B3GALT1: variants seen among roughly 807,000 people sequenced by gnomAD.
B3GALT1 encodes UDP-Gal:betaGlcNAc beta 1,3-galactosyltransferase, polypeptide 1.
B3GALT1 carries 10 observed loss-of-function variants against 23.2 expected under a neutral mutation model. The ratio of observed to expected loss-of-function variants is 0.43; its 90% CI spans 0.27 to 0.73. The LOEUF (loss-of-function observed/expected upper bound fraction) is 0.73, where lower values mean the gene tolerates loss of function less well. B3GALT1 is among the 30% of genes least tolerant of loss of function. The probability of loss-of-function intolerance (pLI) is 0.21; values close to 1 mark genes in which losing one functional copy is unlikely to be tolerated. For synonymous variants in B3GALT1, 156 were observed against 141.5 expected (o/e 1.10, Z -0.73); for missense variants, 299 against 405.4 (o/e 0.74, Z 2.25).
chr2:167,499,794 C>T (rs1426462802), intron 2 of B3GALT1, among the ~76,000 whole-genome samples: 3 of 152,076 alleles, frequency 2.0e-5, no homozygotes, highest in Admixed American at 1.3e-4. Context: ...AAATAAATTA[C>T]AGTTCTTCCT....
chr2:167,618,820 G>A lies in B3GALT1; in HGVS notation c.-409-28089G>A, dbSNP rs568527340. ...TTAATATTTTGATGGATATTTCAGA[G>A]CGATGGAGTTGTATCCTTCTTAGTG... On this transcript the variant is annotated intron_variant, in intron 2 of 4. Coordinates refer to ENST00000392690, the MANE Select transcript of B3GALT1 (RefSeq NM_020981.4). Among the ~76,000 whole-genome samples the A allele has an allele frequency of 2.8e-3, 421 of 152,070 alleles. 3 individuals carry two copies. The highest frequency in any genetic ancestry group is 0.011 in the South Asian group (53 of 4,816).
chr2:167,573,896 C>T (rs1364253217), intron 2 of B3GALT1, among the ~76,000 whole-genome samples: 4 of 151,342 alleles, frequency 2.6e-5, no homozygotes, highest in East Asian at 1.9e-4. Context: ...ACACACAGTC[C>T]GAATTCTATG....
At chr2:167,314,007 G>A (rs930559781) in intron 1 of B3GALT1, among the ~76,000 whole-genome samples, 2 of 152,058 alleles carry the variant, frequency 1.3e-5, no homozygotes, top group African/African-American at 2.4e-5. Flanking sequence ...AGATCATATC[G>A]TGTTATGAGC....
At chr2:167,615,012 A>G (rs1265379237) in intron 2 of B3GALT1, among the ~76,000 whole-genome samples, 1 of 152,060 alleles carries the variant, frequency 6.6e-6, no homozygotes, top group Non-Finnish European at 1.5e-5. Flanking sequence ...AAAAATAAAT[A>G]ATGTTTTGAA....
At position 167,872,061 on chromosome 2, in the gene B3GALT1, C is replaced by G. The variant is rs1353321613; in HGVS notation, c.*2041C>G. ...GGACTACAGGCGCCCGCCATCACGC[C>G]CGGCTAATTTTTTTGTATTTTTAGT... is the stretch of plus-strand genomic sequence containing the variant. On this transcript the variant is annotated 3_prime_UTR_variant, in exon 5 of 5. Coordinates refer to ENST00000392690, the MANE Select transcript of B3GALT1 (RefSeq NM_020981.4). The G allele has an allele frequency of 6.6e-6, 1 of 151,356 alleles. No homozygotes were observed. Among genetic ancestry groups the G allele is most frequent in the African/African-American group, 2.4e-5 (1 of 41,198 alleles). The allele number at this position is 151,356 out of a possible 1,614,324, so 9.4% of individuals were successfully genotyped here. A position where few individuals can be genotyped will look rare whatever the true frequency, so the allele number is the denominator to read the frequency against.
Position 167,873,628 on chromosome 2 carries a change from G to C in B3GALT1, c.*3608G>C, listed in dbSNP as rs1690391237. The C allele has an allele frequency of 6.6e-6, 1 of 152,152 alleles. No homozygotes were observed. Among genetic ancestry groups the C allele is most frequent in the East Asian group, 1.9e-4 (1 of 5,202 alleles). The allele number at this position is 152,152 out of a possible 1,614,324, so 9.4% of individuals were successfully genotyped here. ...GTTTTTATAAACAACAAAGTAACTT[G>C]TGAATGAAAGAAGTAATTTACTAGA... On this transcript the variant is annotated 3_prime_UTR_variant, in exon 5 of 5. Transcript: ENST00000392690.
At chr2:167,340,278 C>T (rs1697125713) in intron 1 of B3GALT1, among the ~76,000 whole-genome samples, 1 of 142,728 alleles carries the variant, frequency 7.0e-6, no homozygotes, top group Non-Finnish European at 1.5e-5. Context: ...ACCAGGCTTG[C>T]ACCTTGAGGG....
At chr2:167,419,738 A>G (rs2105300816) in intron 1 of B3GALT1, among the ~76,000 whole-genome samples, 1 of 152,312 alleles carries the variant, frequency 6.6e-6, no homozygotes, top group East Asian at 1.9e-4. Flanking sequence ...AAAATGCACA[A>G]AGATAATTAT....
chr2:167,364,361 T>A (rs1697553023), intron 1 of B3GALT1, among the ~76,000 whole-genome samples: 1 of 151,614 alleles, frequency 6.6e-6, no homozygotes, highest in African/African-American at 2.4e-5. Context: ...ATTTTTTTAT[T>A]ATACTTTAAG....
At chr2:167,736,485 C>T (rs1687494169) in intron 3 of B3GALT1, among the ~76,000 whole-genome samples, 1 of 152,134 alleles carries the variant, frequency 6.6e-6, no homozygotes, top group Non-Finnish European at 1.5e-5. Flanking sequence ...ATGGCAAGCT[C>T]AGCATATCCA....
At chr2:167,650,305 T>C (rs1308664582) in intron 3 of B3GALT1, among the ~76,000 whole-genome samples, 1 of 148,362 alleles carries the variant, frequency 6.7e-6, no homozygotes, top group Non-Finnish European at 1.5e-5. Flanking sequence ...ACTTGATCTA[T>C]ATATATATAT....
chr2:167,398,910 G>C (rs1010962115), intron 1 of B3GALT1, among the ~76,000 whole-genome samples: 3 of 152,200 alleles, frequency 2.0e-5, no homozygotes, highest in African/African-American at 7.2e-5. Flanking sequence ...AGGGATCTCG[G>C]TTCTGATGCC....
At chr2:167,793,252 G>GA (rs1688477878) in intron 3 of B3GALT1, among the ~76,000 whole-genome samples, 1 of 152,086 alleles carries the variant, frequency 6.6e-6, no homozygotes, top group Non-Finnish European at 1.5e-5. Context: ...CGTGCACCTA[G>GA]TGCTTCTTTT....
At chr2:167,803,559 G>C (rs546274639) in intron 3 of B3GALT1, among the ~76,000 whole-genome samples, 1 of 152,122 alleles carries the variant, frequency 6.6e-6, no homozygotes, top group Non-Finnish European at 1.5e-5. Context: ...AGTCTTCCAG[G>C]TAAGGAAGAG....
chr2:167,766,026 T>C (rs201365382), intron 3 of B3GALT1, among the ~76,000 whole-genome samples: 2 of 152,206 alleles, frequency 1.3e-5, no homozygotes, highest in East Asian at 3.8e-4. Context: ...TCTGGGGTGT[T>C]TGAATTCTCC....
At chr2:167,394,169 G>T (rs1490281694) in intron 1 of B3GALT1, among the ~76,000 whole-genome samples, 2 of 152,120 alleles carry the variant, frequency 1.3e-5, no homozygotes, top group East Asian at 1.9e-4. Context: ...TCTGAGTTAT[G>T]AAGATTTTTG....
intron 3 of B3GALT1, among the ~76,000 whole-genome samples, chr2:167,793,576 G>T (rs1688484367): frequency 6.6e-6 from 1 of 152,098 alleles, no homozygotes; most frequent in Non-Finnish European, 1.5e-5. Context: ...CAATTGTGTA[G>T]GCAAGGTGCA....
At chr2:167,708,342 G>A (rs1484980229) in intron 3 of B3GALT1, among the ~76,000 whole-genome samples, 1 of 152,176 alleles carries the variant, frequency 6.6e-6, no homozygotes, top group African/African-American at 2.4e-5. Context: ...ATGGTTCAGT[G>A]GTTTCTTCTG....
chr2:167,459,819 A>G (rs960676664), intron 1 of B3GALT1, among the ~76,000 whole-genome samples: 6 of 152,114 alleles, frequency 3.9e-5, no homozygotes, highest in African/African-American at 1.4e-4. Context: ...ATCTGGGAAT[A>G]TCTTACTTTC....
Sources: allele counts gnomAD v4.1 joint callset (sites outside exome capture counted in the v4.1 genomes callset), GRCh38; gene constraint gnomAD v4.1.1; transcripts MANE v1.5; gene names NCBI Gene and HGNC (gene_info 2026-07-23, HGNC 2026-07-21).